Variants in MBP observed in about 807,000 individuals in gnomAD.
MBP encodes the protein Golli-MBP.
In MBP, 16 loss-of-function variants were observed where a neutral mutation model predicts 35.8. The ratio of observed to expected loss-of-function variants is 0.45; its 90% confidence interval spans 0.30 to 0.68. The LOEUF is 0.68. Ranked by LOEUF, MBP falls within the 30% of genes least tolerant of loss-of-function variation. The pLI is 0.08. For synonymous variants in MBP, 143 were observed against 159.6 expected, an observed-to-expected ratio of 0.90 and a Z score of 0.78; for missense variants, 380 against 404.7, an observed-to-expected ratio of 0.94 and a Z score of 0.52.
At position 77,126,939 on chromosome 18, in the gene MBP, A is replaced by G. The variant is rs543363247; in HGVS notation, c.-26+5641T>C. On this transcript the variant is annotated intron_variant, in intron 1 of 8. Coordinates refer to ENST00000355994, the MANE Select transcript of MBP (RefSeq NM_001025101.2). ...CTGTGATCATGGATTGGAAAACTCA[A>G]CACAGTAGAACTATTAATTCTCCCT... Among the ~76,000 whole-genome samples the G allele has an allele frequency of 3.3e-5, 5 of 152,360 alleles. No homozygotes were observed. The East Asian group carries it at 9.6e-4, about 29-fold the overall frequency.
rs76604357 is a variant in MBP at position 77,129,310 on chromosome 18, A to G, written c.-26+3270T>C. Among the ~76,000 whole-genome samples the G allele has an allele frequency of 2.1e-4, 32 of 152,362 alleles. 1 individual carries two copies. The East Asian group carries it at 5.4e-3, about 26-fold the overall frequency. On this transcript the variant is annotated intron_variant, in intron 1 of 8. Transcript: ENST00000355994. The stretch of plus-strand genomic sequence containing the variant: ...CGCTTTAATGGCTATTGAGTGTGAG[A>G]CATTACTAATAGCTTTGGAACATGC...
At chr18:77,095,395 G>A (rs1321390876) in intron 2 of MBP, 1 of 152,198 alleles carries the variant, frequency 6.6e-6, no homozygotes, top group African/African-American at 2.4e-5. Flanking sequence ...TACACGTACA[G>A]ATCTGTCAAT....
Position 76,989,837 on chromosome 18 carries a change from C to G in MBP, c.681+119G>C. ...GGGGGAGTTCCCCGGCCGGCCTCAC[C>G]CTGATGATGACCCCGGTGCCACCCC... On this transcript the variant is annotated intron_variant, in intron 5 of 8. Transcript: ENST00000355994. This position sits in a 1 kb window ranked among gnomAD's most constrained non-coding sequence, Gnocchi z 4.0. 1 of 838,618 alleles carries G rather than the reference C, an allele frequency of 1.2e-6. No individual in the cohort carries two copies. The highest frequency in any genetic ancestry group is 2.0e-6 in the Non-Finnish European group (1 of 511,164). 51.9% of individuals were successfully genotyped at this position (838,618 alleles called of 1,614,324 possible). A position where few individuals can be genotyped will look rare whatever the true frequency, so the allele number is the denominator to read the frequency against.
chr18:77,023,073 A>C lies in MBP; in HGVS notation c.140-5805T>G, dbSNP rs367979037. On this transcript the variant is annotated intron_variant, in intron 3 of 8. Transcript: ENST00000355994. ...TGCAGGAAAACTTCCTTAAACAACAACACCACACCCTAATCTTATTGCTAG... is the reference window on the plus strand; with the variant it reads ...TGCAGGAAAACTTCCTTAAACAACACCACCACACCCTAATCTTATTGCTAG... Among the ~76,000 whole-genome samples, 120 of 152,320 alleles carry C rather than the reference A, an allele frequency of 7.9e-4. 1 individual carries two copies. Among genetic ancestry groups the C allele is most frequent in the East Asian group, 9.6e-4 (5 of 5,190 alleles).
At chr18:77,053,738 G>C (rs12607641) in intron 3 of MBP, among the ~76,000 whole-genome samples, 43,006 of 152,178 alleles carry the variant, frequency 0.28, 7,546 homozygotes, top group Non-Finnish European at 0.38. Flanking sequence ...GGAGAGGAGA[G>C]AGCAGCAGGG....
At chr18:77,089,251 C>T (rs983909697) in intron 2 of MBP, among the ~76,000 whole-genome samples, 2 of 152,216 alleles carry the variant, frequency 1.3e-5, no homozygotes, top group Non-Finnish European at 2.9e-5. Flanking sequence ...CTCCCTCCCT[C>T]GGGCTGTGAG....
At chr18:77,092,645 G>C (rs567607098) in intron 2 of MBP, among the ~76,000 whole-genome samples, 2 of 152,214 alleles carry the variant, frequency 1.3e-5, no homozygotes, top group East Asian at 3.9e-4. Flanking sequence ...CTGGCTGCCA[G>C]ATCTCACCAA....
chr18:76,979,702 T>C lies in MBP; in HGVS notation c.*725A>G. 1 of 524,274 alleles carries C rather than the reference T, an allele frequency of 1.9e-6. No individual in the cohort carries two copies. Among genetic ancestry groups the C allele is most frequent in the South Asian group, 2.4e-5 (1 of 42,456 alleles). 32.5% of individuals were successfully genotyped at this position (524,274 alleles called of 1,614,324 possible). On this transcript the variant is annotated 3_prime_UTR_variant, in exon 9 of 9. Transcript: ENST00000355994. ...ACCAAATCTCCAGGAAGACCCTGTTTCCTATGTGAGGCCATTGCCCAGCCC... is the reference window on the plus strand; with the variant it reads ...ACCAAATCTCCAGGAAGACCCTGTTCCCTATGTGAGGCCATTGCCCAGCCC...
chr18:77,093,605 G>A (rs1336860233), intron 2 of MBP, among the ~76,000 whole-genome samples: 1 of 152,148 alleles, frequency 6.6e-6, no homozygotes, highest in Non-Finnish European at 1.5e-5. Flanking sequence ...AAGCATGGAC[G>A]AGAGACTTCC....
At chr18:77,062,844 T>C (rs1273812011) in intron 3 of MBP, among the ~76,000 whole-genome samples, 1 of 152,200 alleles carries the variant, frequency 6.6e-6, no homozygotes, top group Non-Finnish European at 1.5e-5. Context: ...TACAACACTA[T>C]TGCCTTTCGA....
Position 76,989,044 on chromosome 18 carries a change from C to T in MBP, c.682-132G>A, listed in dbSNP as rs1371759460. Reference sequence around the variant, plus strand: ...GAAGCACCCGGGTGCCCAGCCTCCCCACTTCTGTCCTAGTTGGTGAAGAAG... The same window carrying T: ...GAAGCACCCGGGTGCCCAGCCTCCCTACTTCTGTCCTAGTTGGTGAAGAAG... On this transcript the variant is annotated intron_variant, in intron 5 of 8. Transcript: ENST00000355994. This position sits in a 1 kb window ranked among gnomAD's most constrained non-coding sequence, Gnocchi z 4.0. 1 of 802,738 alleles carries T rather than the reference C, an allele frequency of 1.2e-6. No individual in the cohort carries two copies. The highest frequency in any genetic ancestry group is 1.7e-5 in the African/African-American group (1 of 59,464). 49.7% of individuals were successfully genotyped at this position (802,738 alleles called of 1,614,324 possible). A position where few individuals can be genotyped will look rare whatever the true frequency, so the allele number is the denominator to read the frequency against.
intron 2 of MBP, among the ~76,000 whole-genome samples, chr18:77,104,055 T>C (rs1976157143): frequency 6.6e-6 from 1 of 152,184 alleles, no homozygotes; most frequent in Non-Finnish European, 1.5e-5. Flanking sequence ...GAATGGGCTG[T>C]AGAGGAGCCG....
At chr18:77,059,006 G>C (rs1145360) in intron 3 of MBP, among the ~76,000 whole-genome samples, 142,626 of 151,838 alleles carry the variant, frequency 0.94, 66,806 homozygotes, top group East Asian at 1. Flanking sequence ...AGATGGAAGC[G>C]TGCTGGGGAA....
chr18:77,081,660 C>T (rs1974902885), intron 2 of MBP, among the ~76,000 whole-genome samples: 1 of 151,752 alleles, frequency 6.6e-6, no homozygotes, highest in Admixed American at 6.6e-5. Flanking sequence ...AAAGTTACCA[C>T]ATGACCCACA....
chr18:77,122,923 C>T (rs1283022512), intron 1 of MBP, among the ~76,000 whole-genome samples: 1 of 152,194 alleles, frequency 6.6e-6, no homozygotes, highest in African/African-American at 2.4e-5. Flanking sequence ...CGAGCACAAC[C>T]CCCTTCTTTA....
At chr18:76,997,687 C>G (rs1243345127) in intron 4 of MBP, among the ~76,000 whole-genome samples, 1 of 146,956 alleles carries the variant, frequency 6.8e-6, no homozygotes, top group Non-Finnish European at 1.5e-5. Flanking sequence ...ATCTGAGCCA[C>G]TTTTTTTTTT....
At chr18:77,114,692 G>C (rs969165800) in intron 1 of MBP, 1 of 152,336 alleles carries the variant, frequency 6.6e-6, no homozygotes, top group African/African-American at 2.4e-5. Flanking sequence ...GCAGAGTCAC[G>C]CAGGCACACG....
At position 77,100,676 on chromosome 18, in the gene MBP, C is replaced by T. The variant is rs148808820; in HGVS notation, c.51+4535G>A. 2.1e-3 allele frequency among the ~76,000 whole-genome samples: 315 copies of T among 152,074 alleles called. 1 individual carries two copies. The highest frequency in any genetic ancestry group is 7.0e-3 in the African/African-American group (289 of 41,454). On this transcript the variant is annotated intron_variant, in intron 2 of 8. Coordinates refer to ENST00000355994, the MANE Select transcript of MBP (RefSeq NM_001025101.2). ...AGGTGATCTTTCCACCTCAGCTTTC[C>T]GAGTAGCTGGGACTGTAGGTGCACA...
intron 1 of MBP, among the ~76,000 whole-genome samples, chr18:77,121,521 C>G (rs1470444765): frequency 6.6e-6 from 1 of 152,134 alleles, no homozygotes; most frequent in Non-Finnish European, 1.5e-5. Flanking sequence ...TGCATACACC[C>G]ATTTTCAACC....
Sources: gnomAD v4.1 joint callset for allele counts (sites outside exome capture counted in the v4.1 genomes callset) on GRCh38, gnomAD v4.1.1 for gene constraint, Gnocchi (gnomAD v3.1) non-coding constraint, MANE v1.5 for transcripts, NCBI Gene and HGNC (gene_info 2026-07-23, HGNC 2026-07-21) for gene names.